The following LAMP5 variants were observed in gnomAD, a reference collection of about 807,000 sequenced individuals.
LAMP5 encodes the protein lysosome associated membrane protein 5, also known as lysosome-associated membrane glycoprotein 5.
LAMP5 carries 36 observed loss-of-function variants against 30.2 expected under a neutral mutation model. The ratio of observed to expected loss-of-function variants is 1.19; its 90% CI spans 0.91 to 1.57. The LOEUF (loss-of-function observed/expected upper bound fraction) is 1.57. Ranked by LOEUF, LAMP5 falls within the 40% of genes most tolerant of loss-of-function variation. LAMP5 has a pLI of 0.00. For synonymous variants in LAMP5, 149 were observed against 134.6 expected, an observed-to-expected ratio of 1.11 and a Z score of -0.74; for missense variants, 377 against 354.9, an observed-to-expected ratio of 1.06 and a Z score of -0.50.
intron 1 of LAMP5, 107 bp downstream of exon 1, chr20:9,515,023 GT>G (rs1406563001): frequency 9.9e-7 from 1 of 1,014,946 alleles, no homozygotes; most frequent in African/African-American, 1.6e-5. Flanking sequence ...GGCCCTTAAT[GT>G]TTTGCGGTGT....
chr20:9,518,925 G>C (rs546353920), intron 5 of LAMP5, among the ~76,000 whole-genome samples: 2 of 152,340 alleles, frequency 1.3e-5, no homozygotes, highest in East Asian at 3.9e-4. Flanking sequence ...TGAAGGCTGA[G>C]CCGTTTAAGG....
At chr20:9,522,619 G>C (rs1010592898) in intron 5 of LAMP5, among the ~76,000 whole-genome samples, 9 of 152,214 alleles carry the variant, frequency 5.9e-5, no homozygotes, top group Non-Finnish European at 2.9e-5. Flanking sequence ...CCTCTGGAGA[G>C]AGCATAAGAT....
At chr20:9,519,204 T>C (rs1232420159) in intron 5 of LAMP5, among the ~76,000 whole-genome samples, 8 of 152,248 alleles carry the variant, frequency 5.3e-5, no homozygotes, top group Non-Finnish European at 1.2e-4. Flanking sequence ...ATATTCTGTT[T>C]ATTCTACATG....
chr20:9,519,586 T>C (rs986923727), intron 5 of LAMP5, among the ~76,000 whole-genome samples: 1 of 152,236 alleles, frequency 6.6e-6, no homozygotes, highest in Non-Finnish European at 1.5e-5. Context: ...TATGGAAGCA[T>C]TTACAAAATG....
chr20:9,529,513 AT>A (rs2045135769), intron 5 of LAMP5, 128 bp from the exon 6 acceptor site: 1 of 945,064 alleles, frequency 1.1e-6, no homozygotes, highest in Non-Finnish European at 1.6e-6. Context: ...AGGGAAAACT[AT>A]TTCTGAAAAA....
Position 9,515,573 on chromosome 20 carries a change from T to C in LAMP5, c.185T>C (p.Phe62Ser). Residue 62 changes from phenylalanine (F) to serine (S), a missense_variant, in exon 2 of 6, where the codon TTT becomes TCT. Coordinates refer to ENST00000246070, the MANE Select transcript of LAMP5 (RefSeq NM_012261.4). ...GGGACGACGTGTCTCATGGCAGAGT[T>C]TGCAGCCAAATTTATTGTACCTTAT... ...ENGTTCLMAEFAAKFIVPYDV... is the reference protein window; with the variant it reads ...ENGTTCLMAESAAKFIVPYDV... 1.2e-6 allele frequency: 2 copies of C among 1,614,178 alleles called. No individual in the cohort carries two copies. The highest frequency in any genetic ancestry group is 1.7e-6 in the Non-Finnish European group (2 of 1,180,024).
intron 3 of LAMP5, 25 bp downstream of exon 3, chr20:9,516,156 G>A (rs1603167623): frequency 6.3e-7 from 1 of 1,583,126 alleles, no homozygotes; most frequent in Non-Finnish European, 8.6e-7. Flanking sequence ...AGCGGGCAGA[G>A]GGGCCGCAGG....
chr20:9,521,863 C>A (rs1364954288), intron 5 of LAMP5, among the ~76,000 whole-genome samples: 1 of 152,148 alleles, frequency 6.6e-6, no homozygotes, highest in African/African-American at 2.4e-5. Flanking sequence ...ACCTCTATTT[C>A]CCTTTATTCA....
At chr20:9,514,979 A>G in intron 1 of LAMP5, 63 bp downstream of exon 1, 1 of 1,438,280 alleles carries the variant, frequency 7.0e-7, no homozygotes, top group South Asian at 1.1e-5. Flanking sequence ...CAGAGCCGGC[A>G]AAGTAAAGTC....
chr20:9,522,946 A>C (rs2122840714), intron 5 of LAMP5, among the ~76,000 whole-genome samples: 1 of 134,424 alleles, frequency 7.4e-6, no homozygotes, highest in Non-Finnish European at 1.6e-5. Context: ...TGCACTTATA[A>C]TTTTTTTCTT....
intron 4 of LAMP5, 65 bp from the exon 5 acceptor site, chr20:9,517,975 G>C (rs2122832306): frequency 1.4e-6 from 2 of 1,471,820 alleles, no homozygotes; most frequent in East Asian, 4.6e-5. Context: ...GCAATAGCCA[G>C]CTCTCTGGCA....
intron 5 of LAMP5, among the ~76,000 whole-genome samples, chr20:9,525,146 T>C (rs2045104361): frequency 1.3e-5 from 2 of 152,230 alleles, no homozygotes; most frequent in South Asian, 4.1e-4. Context: ...ATATTGTCTT[T>C]CTCTTTCTTT....
Position 9,514,922 on chromosome 20 carries a change from T to G in LAMP5, c.64+6T>G. On this transcript the variant is annotated splice_donor_region_variant and intron_variant, in intron 1 of 5. Transcript: ENST00000246070. Reference sequence around the variant, plus strand: ...AGTTCTCCTGATGTTGTTCCGTGAGTAGCGATTTGGCGACTGGGAGAGAGG... The same window carrying G: ...AGTTCTCCTGATGTTGTTCCGTGAGGAGCGATTTGGCGACTGGGAGAGAGG... 1 of 1,613,918 alleles carries G rather than the reference T, an allele frequency of 6.2e-7. No homozygotes were observed. Among genetic ancestry groups the G allele is most frequent in the Non-Finnish European group, 8.5e-7 (1 of 1,179,820 alleles).
chr20:9,514,957 CTT>C (rs757441683), intron 1 of LAMP5, 41 bp downstream of exon 1: 177 of 1,569,092 alleles, frequency 1.1e-4, no homozygotes, highest in Non-Finnish European at 1.4e-4. Context: ...GACGGGCACT[CTT>C]TGCAGAGAAC....
At chr20:9,526,901 T>TATATATATATAC (rs1484307399) in intron 5 of LAMP5, among the ~76,000 whole-genome samples, 5 of 114,420 alleles carry the variant, frequency 4.4e-5, no homozygotes, top group South Asian at 2.8e-4. Flanking sequence ...TATATATATA[T>TATATATATATAC]ACACACACAT....
intron 5 of LAMP5, among the ~76,000 whole-genome samples, chr20:9,526,860 G>GTATATATATATATATATA (rs201564418): frequency 2.5e-4 from 20 of 80,226 alleles, no homozygotes; most frequent in Non-Finnish European, 4.5e-4. Flanking sequence ...GTGTGTGTGT[G>GTATATATATATATATATA]TATATATATA....
chr20:9,529,294 A>G (rs2045134214), intron 5 of LAMP5, among the ~76,000 whole-genome samples: 1 of 152,210 alleles, frequency 6.6e-6, no homozygotes, highest in African/African-American at 2.4e-5. Flanking sequence ...TTATGTGTAC[A>G]TATTACTTTA....
intron 5 of LAMP5, among the ~76,000 whole-genome samples, chr20:9,527,031 G>A (rs906206261): frequency 2.0e-5 from 3 of 151,666 alleles, no homozygotes; most frequent in Non-Finnish European, 2.9e-5. Flanking sequence ...TATCCATCAT[G>A]CTGGAAAACT....
chr20:9,527,088 A>T (rs956809697), intron 5 of LAMP5, among the ~76,000 whole-genome samples: 2 of 151,888 alleles, frequency 1.3e-5, no homozygotes, highest in Non-Finnish European at 2.9e-5. Flanking sequence ...GAATTTTCAG[A>T]TGCTAGATGA....
Sources: gnomAD v4.1 joint callset for allele counts (sites outside exome capture counted in the v4.1 genomes callset) on GRCh38, gnomAD v4.1.1 for gene constraint, MANE v1.5 for transcripts, NCBI Gene and HGNC (gene_info 2026-07-23, HGNC 2026-07-21) for gene names.